Variants in PIP5K1B observed in about 807,000 individuals in gnomAD.
PIP5K1B encodes phosphatidylinositol-4-phosphate 5-kinase type 1 beta, also known as phosphatidylinositol 4-phosphate 5-kinase type-1 beta.
In PIP5K1B, 42 loss-of-function variants were observed where a neutral mutation model predicts 67.0. The ratio of observed to expected loss-of-function variants is 0.63; its 90% confidence interval spans 0.49 to 0.81. The LOEUF is 0.81. Among genes scored for constraint, PIP5K1B ranks in the 30% least tolerant of loss-of-function variants. The probability of loss-of-function intolerance (pLI) is 0.00; values close to 1 mark genes in which losing one functional copy is unlikely to be tolerated. For synonymous variants in PIP5K1B, 214 were observed against 231.4 expected (o/e 0.92, Z 0.68); for missense variants, 459 against 646.3 (o/e 0.71, Z 3.14).
At chr9:68,732,517 T>TC (rs1432919745) in intron 1 of PIP5K1B, among the ~76,000 whole-genome samples, 1 of 152,234 alleles carries the variant, frequency 6.6e-6, no homozygotes, top group Non-Finnish European at 1.5e-5. Context: ...TTTAGAGTCT[T>TC]CATCTATATC....
At chr9:68,753,181 C>CT (rs34880008) in intron 2 of PIP5K1B, among the ~76,000 whole-genome samples, 21,600 of 147,940 alleles carry the variant, frequency 0.15, 1,662 homozygotes, top group South Asian at 0.2. Context: ...GAATTCTAGG[C>CT]TTTTTTTTTT....
intron 4 of PIP5K1B, among the ~76,000 whole-genome samples, chr9:68,842,638 A>T (rs1821973749): frequency 6.6e-6 from 1 of 152,038 alleles, no homozygotes; most frequent in African/African-American, 2.4e-5. Flanking sequence ...TTTGCTCACC[A>T]CCCCTCCAGA....
chr9:68,845,698 A>G lies in PIP5K1B; in HGVS notation c.70-18139A>G, dbSNP rs112392818. On this transcript the variant is annotated intron_variant, in intron 4 of 15. Coordinates refer to ENST00000265382, the MANE Select transcript of PIP5K1B (RefSeq NM_003558.4). ...AGAAATAGAGGATTTTGGAAACTGT[A>G]TTCCACTGTTCTAAAAGAGAAAGTG... 7.6e-3 allele frequency among the ~76,000 whole-genome samples: 1,163 copies of G among 152,296 alleles called. 10 individuals are homozygous for G. Among genetic ancestry groups the G allele is most frequent in the Non-Finnish European group, 0.011 (772 of 68,022 alleles).
chr9:68,716,819 G>A (rs1370121074), intron 1 of PIP5K1B, among the ~76,000 whole-genome samples: 1 of 152,166 alleles, frequency 6.6e-6, no homozygotes, highest in African/African-American at 2.4e-5. Flanking sequence ...ATTCATAATA[G>A]CAAAGACAAG....
intron 2 of PIP5K1B, among the ~76,000 whole-genome samples, chr9:68,802,227 T>C (rs983529313): frequency 6.6e-6 from 1 of 152,258 alleles, no homozygotes; most frequent in African/African-American, 2.4e-5. Flanking sequence ...GTCAGTTTGA[T>C]GCTTGAACAT....
At chr9:68,743,195 C>G (rs1368547838) in intron 2 of PIP5K1B, among the ~76,000 whole-genome samples, 2 of 150,624 alleles carry the variant, frequency 1.3e-5, no homozygotes, top group Non-Finnish European at 3.0e-5. Flanking sequence ...TAAAATAGCC[C>G]AAATACCAAA....
At position 68,880,967 on chromosome 9, in the gene PIP5K1B, C is replaced by T. The variant is rs148981124; in HGVS notation, c.318+4173C>T. 8.5e-5 allele frequency among the ~76,000 whole-genome samples: 13 copies of T among 152,302 alleles called. No individual in the cohort carries two copies. The East Asian group carries it at 2.3e-3, about 27-fold the overall frequency. Reference sequence around the variant, plus strand: ...GGAGTGTGATAGATGAGGAAAGGGTCGTTTGCATGACACAGCATGCTTGAG... The same window carrying T: ...GGAGTGTGATAGATGAGGAAAGGGTTGTTTGCATGACACAGCATGCTTGAG... On this transcript the variant is annotated intron_variant, in intron 6 of 15. Coordinates refer to ENST00000265382, the MANE Select transcript of PIP5K1B (RefSeq NM_003558.4).
intron 2 of PIP5K1B, among the ~76,000 whole-genome samples, chr9:68,816,301 G>C (rs755464063): frequency 1.3e-5 from 2 of 152,020 alleles, no homozygotes; most frequent in Non-Finnish European, 2.9e-5. Flanking sequence ...GCTAGTTTTT[G>C]TATTTTTGGT....
At position 68,972,174 on chromosome 9, in the gene PIP5K1B, G is replaced by A. The variant is rs142391997; in HGVS notation, c.1503-18966G>A. On this transcript the variant is annotated intron_variant, in intron 14 of 15. Coordinates refer to ENST00000265382, the MANE Select transcript of PIP5K1B (RefSeq NM_003558.4). Reference sequence around the variant, plus strand: ...GAGTTAATTTTTGTATAAGGTGTAAGGAAGGGGTCCAGTTTCAGTTTTCTG... The same window carrying A: ...GAGTTAATTTTTGTATAAGGTGTAAAGAAGGGGTCCAGTTTCAGTTTTCTG... Among the ~76,000 whole-genome samples the A allele has an allele frequency of 4.0e-3, 611 of 152,256 alleles. 1 individual carries two copies. The highest frequency in any genetic ancestry group is 6.5e-3 in the Non-Finnish European group (445 of 68,022).
At chr9:68,930,256 C>T (rs1826926079) in intron 12 of PIP5K1B, among the ~76,000 whole-genome samples, 1 of 152,148 alleles carries the variant, frequency 6.6e-6, no homozygotes, top group African/African-American at 2.4e-5. Flanking sequence ...ACTTACTCCC[C>T]ACACTTCTAG....
chr9:68,850,552 CTAAG>C (rs1221508802), intron 4 of PIP5K1B, among the ~76,000 whole-genome samples: 3 of 152,194 alleles, frequency 2.0e-5, no homozygotes, highest in East Asian at 1.9e-4. Flanking sequence ...AGAACAACTG[CTAAG>C]TAAGAAGAGA....
chr9:68,783,617 C>T (rs1831431990), intron 2 of PIP5K1B: 3 of 166,858 alleles, frequency 1.8e-5, no homozygotes, highest in Admixed American at 6.5e-5. Flanking sequence ...TCATTGACAC[C>T]TCTCTTCTTT....
chr9:68,804,647 A>G (rs1341093711), intron 2 of PIP5K1B, among the ~76,000 whole-genome samples: 11 of 146,704 alleles, frequency 7.5e-5, no homozygotes, highest in African/African-American at 2.8e-4. Context: ...GATGGAGCGC[A>G]GTGGCATGAT....
At chr9:68,963,269 G>A (rs944886689) in intron 14 of PIP5K1B, 9 of 454,318 alleles carry the variant, frequency 2.0e-5, no homozygotes, top group Middle Eastern at 6.8e-4. Flanking sequence ...TTGCGAGGCC[G>A]AGGCAGACTG....
chr9:68,738,320 G>A (rs748776972), intron 1 of PIP5K1B, among the ~76,000 whole-genome samples: 2 of 152,142 alleles, frequency 1.3e-5, no homozygotes, highest in African/African-American at 2.4e-5. Flanking sequence ...ATTTTTGGCC[G>A]TCTTGAATTT....
chr9:68,839,057 G>A (rs1821776809), intron 4 of PIP5K1B, among the ~76,000 whole-genome samples: 2 of 152,290 alleles, frequency 1.3e-5, no homozygotes, highest in Admixed American at 6.5e-5. Context: ...TATCTTAAGA[G>A]TTAGTGCTTT....
intron 2 of PIP5K1B, among the ~76,000 whole-genome samples, chr9:68,797,221 T>G (rs1313064006): frequency 6.6e-6 from 1 of 152,184 alleles, no homozygotes; most frequent in Non-Finnish European, 1.5e-5. Context: ...TGTTATTTGT[T>G]GCTGTGTAAA....
chr9:68,921,941 G>C (rs1826426536), intron 11 of PIP5K1B, among the ~76,000 whole-genome samples: 1 of 152,038 alleles, frequency 6.6e-6, no homozygotes, highest in African/African-American at 2.4e-5. Context: ...TATATATCAT[G>C]AACCTATTTT....
At chr9:68,887,760 A>G (rs781665353) in intron 6 of PIP5K1B, among the ~76,000 whole-genome samples, 3 of 152,162 alleles carry the variant, frequency 2.0e-5, no homozygotes, top group East Asian at 3.8e-4. Context: ...AGGCAGCATC[A>G]ACAGTCTGGT....
Sources: gnomAD v4.1 joint callset for allele counts (sites outside exome capture counted in the v4.1 genomes callset) on GRCh38, gnomAD v4.1.1 for gene constraint, MANE v1.5 for transcripts, NCBI Gene and HGNC (gene_info 2026-07-23, HGNC 2026-07-21) for gene names.